The following POU2F2 variants were observed in gnomAD, a reference collection of about 807,000 sequenced individuals.
The protein encoded by POU2F2 is POU domain, class 2, transcription factor 2.
Under a neutral mutation model 63.5 loss-of-function variants are expected in POU2F2, and 14 were observed. The observed-to-expected ratio is 0.22, with a 90% CI of 0.15 to 0.34. POU2F2 has a LOEUF of 0.34. Ranked by LOEUF, POU2F2 falls within the 10% of genes least tolerant of loss-of-function variation. The pLI is 1.00. For missense variants in POU2F2, 607 were observed against 815.2 expected, an observed-to-expected ratio of 0.74 and a Z score of 3.11; for synonymous variants, 306 against 348.6, an observed-to-expected ratio of 0.88 and a Z score of 1.36.
intron 2 of POU2F2, among the ~76,000 whole-genome samples, chr19:42,147,953 G>A (rs562115881): frequency 6.6e-6 from 1 of 152,204 alleles, no homozygotes; most frequent in South Asian, 2.1e-4. Flanking sequence ...GGCTCAGACA[G>A]GAGAAGCCCC....
chr19:42,139,406 C>G (rs900827746), intron 2 of POU2F2, among the ~76,000 whole-genome samples: 8 of 152,188 alleles, frequency 5.3e-5, no homozygotes, highest in Non-Finnish European at 1.0e-4. Context: ...CCCCTGAACT[C>G]CCTGGACCTC....
chr19:42,105,259 C>T (rs963787214), intron 5 of POU2F2, among the ~76,000 whole-genome samples: 4 of 152,184 alleles, frequency 2.6e-5, no homozygotes, highest in Non-Finnish European at 5.9e-5. Flanking sequence ...CTGTGCTACA[C>T]GTCTCCCAAG....
At chr19:42,124,303 C>CAAA (rs1249716927) in intron 1 of POU2F2, among the ~76,000 whole-genome samples, 3 of 44,174 alleles carry the variant, frequency 6.8e-5, no homozygotes, top group Non-Finnish European at 9.3e-5. Flanking sequence ...GACCCTGTCT[C>CAAA]AAAAAAAAAA....
intron 5 of POU2F2, chr19:42,116,849 AG>A: frequency 2.4e-6 from 1 of 413,450 alleles, no homozygotes; most frequent in Non-Finnish European, 4.8e-6. Flanking sequence ...GAGGAGGAGG[AG>A]GAGGAGGAAG....
intron 1 of POU2F2, among the ~76,000 whole-genome samples, chr19:42,186,710 G>A (rs1599730777): frequency 6.6e-6 from 1 of 152,202 alleles, no homozygotes; most frequent in Middle Eastern, 3.4e-3. Context: ...TTGGTATCAG[G>A]GACATGAAGG....
At chr19:42,122,078 C>G (rs1568388658) in intron 4 of POU2F2, 48 bp downstream of exon 4, 11 of 1,558,300 alleles carry the variant, frequency 7.1e-6, no homozygotes, top group Non-Finnish European at 8.9e-6. Context: ...CCTGAGGACC[C>G]TCTTCCAAGC....
chr19:42,091,117 G>GTTTTTTTTT lies in POU2F2; in HGVS notation c.*139_*140insAAAAAAAAA. ...TCCTTTTTTTTTTTTTTTTTGGTTG[G>GTTTTTTTTT]TTGTTTTTTTGGTCTTTCCTCCCTT... On this transcript the variant is annotated 3_prime_UTR_variant, in exon 15 of 15. Coordinates refer to ENST00000692977, the MANE Select transcript of POU2F2 (RefSeq NM_001394376.1). 1.8e-6 allele frequency: 1 copy of GTTTTTTTTT among 560,660 alleles called. No individual in the cohort carries two copies. The highest frequency in any genetic ancestry group is 2.7e-6 in the Non-Finnish European group (1 of 374,586). The allele number at this position is 560,660 out of a possible 1,614,324, so 34.7% of individuals were successfully genotyped here. A position where few individuals can be genotyped will look rare whatever the true frequency, so the allele number is the denominator to read the frequency against.
chr19:42,177,052 GAGGA>G (rs1051615367), upstream of POU2F2: 1 of 151,602 alleles, frequency 6.6e-6, no homozygotes, highest in African/African-American at 2.4e-5. Context: ...AGGGGAGAGG[GAGGA>G]AGGGAGGGCA....
chr19:42,097,626 A>C (rs2076972623), intron 7 of POU2F2, among the ~76,000 whole-genome samples: 1 of 152,004 alleles, frequency 6.6e-6, no homozygotes, highest in Admixed American at 6.6e-5. Flanking sequence ...CCTGGGCAAC[A>C]TGGCGAAACC....
At position 42,103,259 on chromosome 19, in the gene POU2F2, C is replaced by A. The variant is rs572938353; in HGVS notation, c.370-3438G>T. On this transcript the variant is annotated intron_variant, in intron 5 of 14. Coordinates refer to ENST00000692977, the MANE Select transcript of POU2F2 (RefSeq NM_001394376.1). Reference sequence around the variant, plus strand: ...GGCTTAACACCATCTCCAGGCATCGCTCCTCCTGTTTACTCATTCATGACA... The same window carrying A: ...GGCTTAACACCATCTCCAGGCATCGATCCTCCTGTTTACTCATTCATGACA... Among the ~76,000 whole-genome samples the A allele has an allele frequency of 1.8e-4, 27 of 152,304 alleles. No individual in the cohort carries two copies. The South Asian group carries it at 5.6e-3, about 32-fold the overall frequency.
At chr19:42,195,563 A>C (rs978769126) in intron 1 of POU2F2, among the ~76,000 whole-genome samples, 2 of 151,600 alleles carry the variant, frequency 1.3e-5, no homozygotes, top group African/African-American at 4.8e-5. Flanking sequence ...TGATCTCCTG[A>C]CTTCGTGATC....
In POU2F2 at chr19:42,142,309, G is replaced by A. The variant is rs535830357; in HGVS notation, c.-9+18023C>T. ...GGGTTCAAGGGATTCTCCTGCCTCA[G>A]CCTCCCGAGTAGCTGGGATTACAGG... On this transcript the variant is annotated intron_variant, in intron 2 of 6. Transcript: ENST00000524801. Among the ~76,000 whole-genome samples, 4 of 152,008 alleles carry A rather than the reference G, an allele frequency of 2.6e-5. No homozygotes were observed. The East Asian group carries it at 7.8e-4, about 30-fold the overall frequency.
At chr19:42,106,339 G>A (rs1011060288) in intron 5 of POU2F2, among the ~76,000 whole-genome samples, 2 of 152,070 alleles carry the variant, frequency 1.3e-5, no homozygotes, top group Non-Finnish European at 1.5e-5. Context: ...TCAAACTCCC[G>A]ACCTCAGATG....
Position 42,155,653 on chromosome 19 carries a change from C to T in POU2F2, c.-9+4679G>A, listed in dbSNP as rs2034443571. ...TGAATACTTCCTTTCTTGTTTTTCC[C>T]TCAATCACCTTTTATCCTCCTCTCT... On this transcript the variant is annotated intron_variant, in intron 2 of 6. Coordinates refer to the POU2F2 transcript ENST00000524801. This position sits in a 1 kb window ranked among gnomAD's most constrained non-coding sequence, Gnocchi z 4.2. The T allele has an allele frequency of 6.6e-6, 1 of 152,254 alleles. No homozygotes were observed. Among genetic ancestry groups the T allele is most frequent in the African/African-American group, 2.4e-5 (1 of 41,402 alleles). 9.4% of individuals were successfully genotyped at this position (152,254 alleles called of 1,614,324 possible).
upstream of POU2F2, among the ~76,000 whole-genome samples, chr19:42,136,029 G>T (rs1043129381): frequency 1.3e-4 from 19 of 151,728 alleles, no homozygotes; most frequent in Non-Finnish European, 7.4e-5. Flanking sequence ...CACCTGCTTT[G>T]CCCTCTAGAC....
At chr19:42,097,192 G>GTTTTTTT (rs778449653) in intron 7 of POU2F2, among the ~76,000 whole-genome samples, 1 of 117,750 alleles carries the variant, frequency 8.5e-6, no homozygotes, top group Non-Finnish European at 1.8e-5. Flanking sequence ...GAATTTTTCA[G>GTTTTTTT]TTTTTTTTTT....
intron 5 of POU2F2, among the ~76,000 whole-genome samples, chr19:42,112,613 G>A (rs1353558124): frequency 1.3e-5 from 2 of 151,944 alleles, no homozygotes; most frequent in African/African-American, 2.4e-5. Flanking sequence ...CAAGCGATCC[G>A]CCCACCTCGG....
At chr19:42,192,290 G>T (rs1041106224) in intron 1 of POU2F2, among the ~76,000 whole-genome samples, 1 of 152,170 alleles carries the variant, frequency 6.6e-6, no homozygotes, top group South Asian at 2.1e-4. Context: ...GGGAGTCAAC[G>T]GATGTCAACA....
At chr19:42,144,321 A>G (rs1161050572) in intron 2 of POU2F2, among the ~76,000 whole-genome samples, 1 of 152,232 alleles carries the variant, frequency 6.6e-6, no homozygotes, top group Non-Finnish European at 1.5e-5. Flanking sequence ...GAAGAAGCTG[A>G]CAAAGGGGCA....
Sources: gnomAD v4.1 joint callset for allele counts (sites outside exome capture counted in the v4.1 genomes callset) on GRCh38, gnomAD v4.1.1 for gene constraint, Gnocchi (gnomAD v3.1) non-coding constraint, MANE v1.5 for transcripts, NCBI Gene and HGNC (gene_info 2026-07-23, HGNC 2026-07-21) for gene names.